The following DUSP15 variants were observed in gnomAD, a reference collection of about 807,000 sequenced individuals.
DUSP15 encodes the protein dual specificity phosphatase 15.
A neutral mutation model predicts 26.3 loss-of-function variants in DUSP15; 23 were observed. The observed-to-expected ratio is 0.87, with a 90% confidence interval of 0.63 to 1.24. The LOEUF (loss-of-function observed/expected upper bound fraction) is 1.24. DUSP15 is among the 50% of genes most tolerant of loss of function. The probability of loss-of-function intolerance (pLI) is 0.00; values close to 1 mark genes in which losing one functional copy is unlikely to be tolerated. For missense variants in DUSP15, 364 were observed against 320.6 expected (o/e 1.14, Z -1.03); for synonymous variants, 143 against 135.5 (o/e 1.06, Z -0.39).
intron 6 of DUSP15, 89 bp from the exon 7 acceptor site, chr20:31,861,764 G>T: frequency 2.8e-6 from 3 of 1,057,658 alleles, no homozygotes; most frequent in Non-Finnish European, 3.7e-6. Context: ...CCCGACCTTC[G>T]CCCTTCTCCG....
downstream of DUSP15, among the ~76,000 whole-genome samples, chr20:31,846,697 C>T (rs1321969479): frequency 6.6e-6 from 1 of 152,104 alleles, no homozygotes; most frequent in African/African-American, 2.4e-5. Flanking sequence ...AAGGAGAGCC[C>T]ATGAAATTCA....
At chr20:31,864,914 GCTGT>G (rs1175603924) in intron 4 of DUSP15, 35 bp downstream of exon 4, 1 of 1,603,026 alleles carries the variant, frequency 6.2e-7, no homozygotes, top group Non-Finnish European at 8.5e-7. Flanking sequence ...ACAGAAGGCA[GCTGT>G]CTGTCCATCT....
intron 5 of DUSP15, 61 bp downstream of exon 5, chr20:31,863,845 GT>G: frequency 6.6e-7 from 1 of 1,511,614 alleles, no homozygotes; most frequent in African/African-American, 1.4e-5. Context: ...GGGAGTGTGT[GT>G]TCAGCAGAGG....
At chr20:31,864,456 C>T (rs1048300868) in intron 4 of DUSP15, 9 of 1,035,080 alleles carry the variant, frequency 8.7e-6, no homozygotes, top group Non-Finnish European at 1.0e-5. Context: ...ACAAAAATCC[C>T]GTTTTCTGAG....
Position 31,864,968 on chromosome 20 carries a change from G to T in DUSP15, c.173C>A (p.Thr58Asn). Residue 58 changes from threonine (T) to asparagine (N), a missense_variant, in exon 4 of 7, where the codon ACC becomes AAC. Physicochemically the swap from Thr to Asn is moderately conservative, Grantham distance 65. Transcript: ENST00000339738. ...GGGAACTTACATGGGTACCTCAGGG[G>T]TATCAGCGACCGGGATGCGAAGGTA... ...ITYLRIPVADTPEVPIKKHFK... is the reference protein window; with the variant it reads ...ITYLRIPVADNPEVPIKKHFK... 6.2e-7 allele frequency: 1 copy of T among 1,614,120 alleles called. No individual in the cohort carries two copies. Among genetic ancestry groups the T allele is most frequent in the Non-Finnish European group, 8.5e-7 (1 of 1,180,000 alleles).
chr20:31,847,958 G>A (rs917927517), exon 10 of DUSP15: 2 of 153,982 alleles, frequency 1.3e-5, no homozygotes, highest in African/African-American at 4.8e-5. Flanking sequence ...GGAGGAGGAA[G>A]GTTCTGTAAA....
intron 9 of DUSP15, chr20:31,848,634 CACAGCCCTAGTT>C (rs1183674863): frequency 4.0e-6 from 6 of 1,482,606 alleles, no homozygotes; most frequent in Non-Finnish European, 5.4e-6. Context: ...CATGGGAAGT[CACAGCCCTAGTT>C]ACAGCCCCAT....
chr20:31,846,193 GACAC>G (rs1037141103), downstream of DUSP15, among the ~76,000 whole-genome samples: 45 of 146,452 alleles, frequency 3.1e-4, 1 homozygote, highest in East Asian at 6.0e-4. Flanking sequence ...CACAGAGACA[GACAC>G]ACACAGACAC....
chr20:31,856,163 C>T (rs887960749), downstream of DUSP15, among the ~76,000 whole-genome samples: 5 of 152,056 alleles, frequency 3.3e-5, no homozygotes, highest in Admixed American at 2.6e-4. Context: ...AAGTGAAGAG[C>T]AGAAGGCATT....
intron 5 of DUSP15, 112 bp from the exon 6 acceptor site, chr20:31,862,854 T>G (rs946116541): frequency 8.8e-7 from 1 of 1,141,888 alleles, no homozygotes; most frequent in Non-Finnish European, 1.2e-6. Flanking sequence ...GCTCCAACCA[T>G]AAGGGACCTG....
intron 6 of DUSP15, among the ~76,000 whole-genome samples, chr20:31,853,635 C>A (rs112436544): frequency 6.6e-6 from 1 of 151,302 alleles, no homozygotes; most frequent in South Asian, 2.1e-4. Flanking sequence ...TGCAGTAAGC[C>A]GTGATCACAC....
chr20:31,850,818 G>T, intron 6 of DUSP15: 1 of 871,070 alleles, frequency 1.1e-6, no homozygotes, highest in Non-Finnish European at 1.8e-6. Flanking sequence ...GAGGAGGATG[G>T]GTGGTAGTAA....
At chr20:31,865,883 G>A (rs763992537) in intron 3 of DUSP15, among the ~76,000 whole-genome samples, 11 of 152,198 alleles carry the variant, frequency 7.2e-5, no homozygotes, top group Non-Finnish European at 1.3e-4. Flanking sequence ...AGGAAGGGCC[G>A]TAGGAGCAGA....
chr20:31,854,976 G>T (rs759799799), intron 6 of DUSP15, among the ~76,000 whole-genome samples: 3 of 152,090 alleles, frequency 2.0e-5, no homozygotes, highest in African/African-American at 4.8e-5. Context: ...ATATGATGTT[G>T]ATTTATTAAC....
In DUSP15 at chr20:31,861,699, C is replaced by CG. The variant is rs2062661541; in HGVS notation, c.436-25dup. On this transcript the variant is annotated intron_variant, in intron 6 of 6. Transcript: ENST00000339738. ...AGCTGGGGTGGGCGGGTGAGGTGGG[C>CG]GGGGTCAAGGCCGGCGCGGGGCGGG... The CG allele has an allele frequency of 1.9e-5, 4 of 214,892 alleles. No individual in the cohort carries two copies. In the Admixed American group the frequency reaches 2.9e-4, roughly 16 times the overall value. The allele number at this position is 214,892 out of a possible 1,614,324, so 13.3% of individuals were successfully genotyped here.
chr20:31,869,829 C>T, intron 1 of DUSP15: 1 of 1,426,778 alleles, frequency 7.0e-7, no homozygotes, highest in Non-Finnish European at 9.2e-7. Context: ...CAAGGGAGGC[C>T]AGCTTGGGTA....
In DUSP15 at chr20:31,861,611, G is replaced by A. The variant is rs1219002412; in HGVS notation, c.500C>T (p.Ala167Val). 13 of 1,492,762 alleles carry A rather than the reference G, an allele frequency of 8.7e-6. No individual in the cohort carries two copies. Among genetic ancestry groups the A allele is most frequent in the South Asian group, 1.3e-5 (1 of 79,724 alleles). 92.5% of individuals were successfully genotyped at this position (1,492,762 alleles called of 1,614,324 possible). A position where few individuals can be genotyped will look rare whatever the true frequency, so the allele number is the denominator to read the frequency against. The change falls in exon 7 of 7, where the codon GCG becomes GTG. Residue 167 changes from alanine (A) to valine (V), a missense_variant. Transcript: ENST00000339738. ...GCAGCGCTTGCACAGCGGCAGCAGC[G>A]CGCGCAACTCCTCCTCGTCGCGGAA... ...SPFRDEEELR[A>V]LLPLCKRCRQ...
intron 8 of DUSP15, chr20:31,848,920 A>T (rs1340221320): frequency 6.2e-6 from 10 of 1,603,492 alleles, no homozygotes; most frequent in Non-Finnish European, 8.5e-6. Context: ...GTGGGCACAC[A>T]ATTATACGAC....
chr20:31,854,472 G>A (rs543946745), intron 6 of DUSP15, among the ~76,000 whole-genome samples: 7 of 152,286 alleles, frequency 4.6e-5, no homozygotes, highest in East Asian at 1.9e-4. Flanking sequence ...TGAAGATGAC[G>A]TGGGCACAGG....
Sources: gnomAD v4.1 joint callset for allele counts (sites outside exome capture counted in the v4.1 genomes callset) on GRCh38, gnomAD v4.1.1 for gene constraint, MANE v1.5 for transcripts, NCBI Gene and HGNC (gene_info 2026-07-23, HGNC 2026-07-21) for gene names.